The following CALN1 variants were observed in gnomAD, a reference collection of about 807,000 sequenced individuals.
CALN1 encodes calneuron 1.
A neutral mutation model predicts 30.6 loss-of-function variants in CALN1; 17 were observed. The observed-to-expected ratio is 0.56, with a 90% CI of 0.38 to 0.83. CALN1 has a LOEUF of 0.83. Ranked by LOEUF, CALN1 falls within the 40% of genes least tolerant of loss-of-function variation. CALN1 has a pLI of 0.00. For synonymous variants in CALN1, 156 were observed against 131.4 expected, an observed-to-expected ratio of 1.19 and a Z score of -1.28; for missense variants, 291 against 354.9, an observed-to-expected ratio of 0.82 and a Z score of 1.45.
At chr7:72,292,886 G>A (rs1010684995) in intron 2 of CALN1, among the ~76,000 whole-genome samples, 2 of 151,588 alleles carry the variant, frequency 1.3e-5, no homozygotes, top group Non-Finnish European at 2.9e-5. Flanking sequence ...TGAATTACAG[G>A]GGGCTGGGAA....
At chr7:72,046,624 C>T (rs1220376869) in intron 4 of CALN1, among the ~76,000 whole-genome samples, 2 of 143,420 alleles carry the variant, frequency 1.4e-5, no homozygotes, top group Non-Finnish European at 3.0e-5. Context: ...GCAGAAGTAT[C>T]ACTTGAACCC....
chr7:71,824,153 T>A (rs1788772366), intron 5 of CALN1, among the ~76,000 whole-genome samples: 1 of 152,108 alleles, frequency 6.6e-6, no homozygotes, highest in Admixed American at 6.5e-5. Context: ...CCTGCCCAGG[T>A]GCCAGGCCTC....
At chr7:72,204,230 C>T (rs1391251350) in intron 3 of CALN1, among the ~76,000 whole-genome samples, 1 of 151,324 alleles carries the variant, frequency 6.6e-6, no homozygotes, top group Non-Finnish European at 1.5e-5. Context: ...CTCCTGACCT[C>T]GTGATTCTCC....
chr7:72,203,404 G>A (rs1318883520), intron 3 of CALN1, among the ~76,000 whole-genome samples: 1 of 152,070 alleles, frequency 6.6e-6, no homozygotes, highest in African/African-American at 2.4e-5. Flanking sequence ...GTAGGTCATA[G>A]GTCATGCTAT....
At chr7:72,005,396 A>T (rs1397063261) in intron 5 of CALN1, among the ~76,000 whole-genome samples, 3 of 152,090 alleles carry the variant, frequency 2.0e-5, no homozygotes, top group Non-Finnish European at 4.4e-5. Flanking sequence ...TGGCGTGATC[A>T]CGGCTCACTA....
At chr7:72,339,134 T>C (rs1802268182) in intron 2 of CALN1, among the ~76,000 whole-genome samples, 1 of 152,194 alleles carries the variant, frequency 6.6e-6, no homozygotes, top group Non-Finnish European at 1.5e-5. Context: ...ATCCATGTAG[T>C]TACAAATCAC....
At chr7:72,150,189 CAGA>C (rs902284194) in intron 3 of CALN1, among the ~76,000 whole-genome samples, 4 of 150,944 alleles carry the variant, frequency 2.6e-5, no homozygotes, top group Non-Finnish European at 4.4e-5. Flanking sequence ...TTCTGTTGAG[CAGA>C]AGATCTTCAC....
chr7:71,849,519 T>C (rs550077217), intron 5 of CALN1, among the ~76,000 whole-genome samples: 1 of 151,880 alleles, frequency 6.6e-6, no homozygotes, highest in African/African-American at 2.4e-5. Context: ...TTATTAGTAA[T>C]CAGGGAAATG....
intron 2 of CALN1, among the ~76,000 whole-genome samples, chr7:72,329,806 T>G (rs1278042531): frequency 6.6e-6 from 1 of 151,384 alleles, no homozygotes; most frequent in South Asian, 2.1e-4. Flanking sequence ...ATCCACAAAT[T>G]AGCTGGGCGT....
intron 1 of CALN1, among the ~76,000 whole-genome samples, chr7:72,411,407 TAGAGA>T (rs1031699128): frequency 2.6e-5 from 4 of 152,278 alleles, no homozygotes; most frequent in Admixed American, 6.5e-5. Context: ...TTTTCTATGT[TAGAGA>T]AAAGAGCTGT....
At chr7:72,295,010 T>C in intron 2 of CALN1, among the ~76,000 whole-genome samples, 1 of 151,064 alleles carries the variant, frequency 6.6e-6, no homozygotes, top group East Asian at 2.0e-4. Flanking sequence ...AAAGTTGGTC[T>C]ACCACAGTTG....
intron 5 of CALN1, among the ~76,000 whole-genome samples, chr7:71,837,239 A>T (rs199631445): frequency 7.4e-6 from 1 of 135,938 alleles, no homozygotes; most frequent in East Asian, 2.3e-4. Flanking sequence ...CTCAAAAAAA[A>T]AGACAAAAAA....
chr7:71,938,816 C>A (rs956739994), intron 5 of CALN1, among the ~76,000 whole-genome samples: 5 of 151,958 alleles, frequency 3.3e-5, no homozygotes, highest in Admixed American at 6.6e-5. Context: ...AACAAAAAAA[C>A]CACACACAGA....
At chr7:72,080,771 A>C (rs1805082984) in intron 4 of CALN1, among the ~76,000 whole-genome samples, 2 of 152,184 alleles carry the variant, frequency 1.3e-5, no homozygotes, top group African/African-American at 2.4e-5. Context: ...GGTACCTGGA[A>C]TGGGAAAGAC....
intron 5 of CALN1, among the ~76,000 whole-genome samples, chr7:71,901,268 G>A (rs563324183): frequency 4.6e-5 from 7 of 152,162 alleles, no homozygotes; most frequent in African/African-American, 1.7e-4. Flanking sequence ...TAGATAACAT[G>A]AACAAATAGA....
chr7:72,172,681 T>C (rs1159750276), intron 3 of CALN1, among the ~76,000 whole-genome samples: 1 of 152,200 alleles, frequency 6.6e-6, no homozygotes, highest in Non-Finnish European at 1.5e-5. Context: ...ACTGAATAAG[T>C]TGAAAATTCT....
chr7:71,794,036 G>A (rs1234592810), intron 6 of CALN1, among the ~76,000 whole-genome samples: 1 of 152,160 alleles, frequency 6.6e-6, no homozygotes, highest in African/African-American at 2.4e-5. Context: ...AGCGGGTTGG[G>A]TACTGCGTTA....
At chr7:71,898,814 G>A (rs1266956986) in intron 5 of CALN1, among the ~76,000 whole-genome samples, 1 of 152,170 alleles carries the variant, frequency 6.6e-6, no homozygotes, top group Non-Finnish European at 1.5e-5. Context: ...TCCAGATAGA[G>A]AAGACTCATC....
the CALN1 span, among the ~76,000 whole-genome samples, chr7:72,486,516 T>C: frequency 6.6e-6 from 1 of 152,014 alleles, no homozygotes; most frequent in Non-Finnish European, 1.5e-5. Context: ...GGATTACAGG[T>C]GCATGCCACC....
Sources: allele counts gnomAD v4.1 joint callset (sites outside exome capture counted in the v4.1 genomes callset), GRCh38; gene constraint gnomAD v4.1.1; transcripts MANE v1.5; gene names NCBI Gene and HGNC (gene_info 2026-07-23, HGNC 2026-07-21).